The following SNX9 variants were observed in gnomAD, a reference collection of about 807,000 sequenced individuals.
SNX9 encodes the protein sorting nexin 9, also known as sorting nexin-9.
SNX9 carries 44 observed loss-of-function variants against 89.4 expected under a neutral mutation model. The observed-to-expected ratio is 0.49, with a 90% CI of 0.39 to 0.63. The LOEUF (loss-of-function observed/expected upper bound fraction) is 0.63, where lower values mean the gene tolerates loss of function less well. Ranked by LOEUF, SNX9 falls within the 30% of genes least tolerant of loss-of-function variation. The probability of loss-of-function intolerance (pLI) is 0.00; values close to 1 mark genes in which losing one functional copy is unlikely to be tolerated. For synonymous variants in SNX9, 236 were observed against 247.8 expected, an observed-to-expected ratio of 0.95 and a Z score of 0.45; for missense variants, 578 against 736.1, an observed-to-expected ratio of 0.79 and a Z score of 2.49.
At chr6:157,942,157 C>G (rs975598987) in intron 17 of SNX9, among the ~76,000 whole-genome samples, 4 of 152,188 alleles carry the variant, frequency 2.6e-5, no homozygotes, top group Non-Finnish European at 4.4e-5. Flanking sequence ...GGTTTTAGAT[C>G]TAAGTTTTAT....
intron 4 of SNX9, among the ~76,000 whole-genome samples, chr6:157,889,405 TG>T (rs1471757835): frequency 1.5e-5 from 2 of 130,130 alleles, no homozygotes; most frequent in Non-Finnish European, 3.1e-5. Context: ...TACTCCAGCC[TG>T]GGTGACAGAG....
intron 1 of SNX9, among the ~76,000 whole-genome samples, chr6:157,834,027 T>G (rs1011401350): frequency 6.6e-6 from 1 of 152,040 alleles, no homozygotes; most frequent in Non-Finnish European, 1.5e-5. Flanking sequence ...TAATGAGGCG[T>G]GATCTGATTG....
chr6:157,860,695 T>G (rs1376138631), intron 1 of SNX9, among the ~76,000 whole-genome samples: 1 of 152,216 alleles, frequency 6.6e-6, no homozygotes, highest in South Asian at 2.1e-4. Context: ...TTGGTTACAG[T>G]GTAGCCTCAG....
At chr6:157,901,500 T>C (rs1269832865) in intron 5 of SNX9, among the ~76,000 whole-genome samples, 7 of 152,210 alleles carry the variant, frequency 4.6e-5, no homozygotes, top group Non-Finnish European at 1.5e-5. Context: ...GTAATCTATT[T>C]TAAGTTGATT....
chr6:157,909,829 A>G, intron 8 of SNX9, 39 bp downstream of exon 8: 1 of 1,612,610 alleles, frequency 6.2e-7, no homozygotes, highest in Non-Finnish European at 8.5e-7. Context: ...TCATGTTTGG[A>G]TCACTGATTG....
intron 1 of SNX9, among the ~76,000 whole-genome samples, chr6:157,855,577 A>G (rs995847164): frequency 6.6e-6 from 1 of 152,248 alleles, no homozygotes; most frequent in Non-Finnish European, 1.5e-5. Flanking sequence ...TAGGTGAAAA[A>G]TAAACTGTTT....
At chr6:157,897,156 G>A (rs950119744) in intron 5 of SNX9, among the ~76,000 whole-genome samples, 158 bp downstream of exon 5, 2 of 151,654 alleles carry the variant, frequency 1.3e-5, no homozygotes, top group African/African-American at 4.9e-5. Context: ...CCACCAAGCA[G>A]CTGTGCAGCA....
At chr6:157,867,451 G>C (rs1444609865) in intron 1 of SNX9, 96 bp from the exon 2 acceptor site, 1 of 935,476 alleles carries the variant, frequency 1.1e-6, no homozygotes, top group African/African-American at 1.6e-5. Context: ...TATCATGTTT[G>C]TACCAGCATG....
intron 1 of SNX9, among the ~76,000 whole-genome samples, chr6:157,864,309 C>T (rs1286423738): frequency 6.6e-6 from 1 of 152,140 alleles, no homozygotes; most frequent in Non-Finnish European, 1.5e-5. Flanking sequence ...CTAAACGCCC[C>T]CCATTTGCCG....
intron 1 of SNX9, among the ~76,000 whole-genome samples, chr6:157,866,688 A>G (rs1782269892): frequency 6.6e-6 from 1 of 152,246 alleles, no homozygotes; most frequent in Non-Finnish European, 1.5e-5. Context: ...GTGGAAGAGT[A>G]CCCAAATCTT....
At chr6:157,844,570 T>C (rs1286730695) in intron 1 of SNX9, among the ~76,000 whole-genome samples, 1 of 151,476 alleles carries the variant, frequency 6.6e-6, no homozygotes, top group African/African-American at 2.4e-5. Context: ...TAATTTTTAA[T>C]CTTGTGGCTA....
intron 1 of SNX9, among the ~76,000 whole-genome samples, chr6:157,826,237 G>T (rs532741179): frequency 1.3e-5 from 2 of 152,070 alleles, no homozygotes; most frequent in Non-Finnish European, 2.9e-5. Flanking sequence ...GCCGTCTCAC[G>T]CCTGTAATCC....
intron 11 of SNX9, 148 bp from the exon 12 acceptor site, chr6:157,928,451 C>A: frequency 1.7e-6 from 1 of 600,988 alleles, no homozygotes; most frequent in Non-Finnish European, 2.9e-6. Flanking sequence ...TAAATGTCTG[C>A]ATCAAGCCTG....
At chr6:157,868,080 A>T (rs559486057) in intron 2 of SNX9, among the ~76,000 whole-genome samples, 2 of 152,262 alleles carry the variant, frequency 1.3e-5, no homozygotes, top group South Asian at 2.1e-4. Context: ...TAACTGATTG[A>T]TCCTATCATC....
In SNX9 at chr6:157,927,224, G is replaced by GCCA. The variant is rs767291465; in HGVS notation, c.1184+11_1184+12insCAC. The GCCA allele has an allele frequency of 6.1e-5, 97 of 1,587,882 alleles. 1 individual carries two copies. The South Asian group carries it at 1.0e-3, about 17-fold the overall frequency. On this transcript the variant is annotated intron_variant, in intron 11 of 17. Transcript: ENST00000392185. ...TGGACTTAGTAGAAATGTGAGAGAC[G>GCCA]CTGCCAGGTTTTCTTTCTTCTCAAT...
chr6:157,936,093 A>G (rs1314215476), intron 14 of SNX9, 53 bp downstream of exon 14: 1 of 1,415,402 alleles, frequency 7.1e-7, no homozygotes, highest in Non-Finnish European at 9.8e-7. Flanking sequence ...TCTAGTCCAC[A>G]TATTTAATTT....
intron 2 of SNX9, among the ~76,000 whole-genome samples, chr6:157,869,515 C>T (rs928005625): frequency 5.3e-5 from 8 of 152,192 alleles, no homozygotes; most frequent in African/African-American, 1.9e-4. Context: ...GGCTAAGTCA[C>T]TTAAAGCCAT....
At chr6:157,873,064 A>C (rs377573983) in intron 2 of SNX9, 38 bp from the exon 3 acceptor site, 1 of 1,470,728 alleles carries the variant, frequency 6.8e-7, no homozygotes, top group South Asian at 1.3e-5. Context: ...CTCAACTGTA[A>C]TCTTTTTCTT....
At chr6:157,913,690 T>C (rs1404333992) in intron 9 of SNX9, among the ~76,000 whole-genome samples, 2 of 152,214 alleles carry the variant, frequency 1.3e-5, no homozygotes, top group Non-Finnish European at 2.9e-5. Flanking sequence ...CAACAGCTGA[T>C]GTGTTCTTTG....
Sources: allele counts gnomAD v4.1 joint callset (sites outside exome capture counted in the v4.1 genomes callset), GRCh38; gene constraint gnomAD v4.1.1; transcripts MANE v1.5; gene names NCBI Gene and HGNC (gene_info 2026-07-23, HGNC 2026-07-21).